Variants in CHST7 observed in about 807,000 individuals in gnomAD.
CHST7 encodes N-acetylglucosamine 6-O-sulfotransferase 4.
CHST7 carries 5 observed loss-of-function variants against 9.0 expected under a neutral mutation model. The ratio of observed to expected loss-of-function variants is 0.56; its 90% CI spans 0.29 to 1.17. CHST7 has a LOEUF of 1.17. Among genes scored for constraint, CHST7 ranks in the 50% most tolerant of loss-of-function variants. CHST7 has a pLI of 0.08. For missense variants in CHST7, 377 were observed against 485.1 expected (o/e 0.78, Z 2.09); for synonymous variants, 244 against 237.1 (o/e 1.03, Z -0.27).
At chrX:46,591,111 T>C (rs753905628) in intron 1 of CHST7, among the ~76,000 whole-genome samples, 6 of 112,340 alleles carry the variant, frequency 5.3e-5, no homozygotes, top group Non-Finnish European at 9.4e-5. Context: ...TTGGATTGTT[T>C]TCAGTTTTTG....
chrX:46,581,212 G>T (rs1942522923), intron 1 of CHST7, among the ~76,000 whole-genome samples: 1 of 101,490 alleles, frequency 9.9e-6, no homozygotes, highest in Non-Finnish European at 2.0e-5. Context: ...TCCAGCCTGG[G>T]TGATAGAGCC....
At chrX:46,584,485 C>T (rs1224000226) in intron 1 of CHST7, among the ~76,000 whole-genome samples, 4 of 97,325 alleles carry the variant, frequency 4.1e-5, no homozygotes, top group Non-Finnish European at 7.9e-5. Flanking sequence ...TGTGGTGAGC[C>T]GAGATCGCAC....
chrX:46,573,924 G>T lies in CHST7; in HGVS notation c.-8G>T. 1 of 1,155,989 alleles carries T rather than the reference G, an allele frequency of 8.7e-7. No individual in the cohort carries two copies. The highest frequency in any genetic ancestry group is 1.1e-6 in the Non-Finnish European group (1 of 872,784). ...GGCGCCCGACCCGCTCTGGAGGGTCGGTGAACGATGAAGGGCCGGCGGCGG... is the reference window on the plus strand; with the variant it reads ...GGCGCCCGACCCGCTCTGGAGGGTCTGTGAACGATGAAGGGCCGGCGGCGG... On this transcript the variant is annotated 5_prime_UTR_variant, in exon 1 of 2. Coordinates refer to ENST00000276055, the MANE Select transcript of CHST7 (RefSeq NM_019886.4).
chrX:46,581,249 A>AAAAT (rs1556028613), intron 1 of CHST7, among the ~76,000 whole-genome samples: 25 of 89,849 alleles, frequency 2.8e-4, no homozygotes, highest in Non-Finnish European at 4.6e-4. Flanking sequence ...AAAAAAAAAA[A>AAAAT]AATAATAATA....
At position 46,578,269 on chromosome X, in the gene CHST7, C is replaced by CTTTTTTTTTTTTT. The variant is rs3071957; in HGVS notation, c.*31+2858_*31+2870dup. Reference sequence around the variant, plus strand: ...GAGGGGTTTTTCCTCCTGCCATGCTCTTTTTTTTTTTTTTTTTTTTTTTTG... The same window carrying CTTTTTTTTTTTTT: ...GAGGGGTTTTTCCTCCTGCCATGCTCTTTTTTTTTTTTTTTTTTTTTTTTTTTTTTTTTTTTTG... On this transcript the variant is annotated intron_variant, in intron 1 of 1. Coordinates refer to ENST00000276055, the MANE Select transcript of CHST7 (RefSeq NM_019886.4). Among the ~76,000 whole-genome samples the CTTTTTTTTTTTTT allele has an allele frequency of 3.9e-5, 2 of 51,343 alleles. 1 individual carries two copies. The highest frequency in any genetic ancestry group is 6.2e-5 in the Non-Finnish European group (2 of 32,487). 44.6% of individuals were successfully genotyped at this position (51,343 alleles called of 115,157 possible). A position where few individuals can be genotyped will look rare whatever the true frequency, so the allele number is the denominator to read the frequency against.
chrX:46,595,169 T>C (rs1416124343), intron 1 of CHST7, among the ~76,000 whole-genome samples: 3 of 112,733 alleles, frequency 2.7e-5, no homozygotes, highest in African/African-American at 9.7e-5. Context: ...TAATGGCTAA[T>C]TGAGGATGTT....
Position 46,575,109 on chromosome X carries a change from C to G in CHST7, c.1178C>G (p.Ser393Cys). ...CAGCTGCGCCGCCTGCTGCGCTTCT[C>G]CGGGCTACGCGCGCTCGCAGCGCTC... ...RAQLRRLLRFSGLRALAALDA... is the reference protein window; with the variant it reads ...RAQLRRLLRFCGLRALAALDA... The change falls in exon 1 of 2, where the codon TCC becomes TGC. Residue 393 changes from serine to cysteine, a missense_variant. Physicochemically the swap from Ser to Cys is moderately radical, Grantham distance 112. Coordinates refer to ENST00000276055, the MANE Select transcript of CHST7 (RefSeq NM_019886.4). 9.0e-7 allele frequency: 1 copy of G among 1,113,424 alleles called. No individual in the cohort carries two copies. The highest frequency in any genetic ancestry group is 1.2e-6 in the Non-Finnish European group (1 of 855,476). The allele number at this position is 1,113,424 out of a possible 1,213,427, so 91.8% of individuals were successfully genotyped here.
intron 1 of CHST7, among the ~76,000 whole-genome samples, chrX:46,594,885 A>G (rs1472754094): frequency 9.0e-6 from 1 of 111,600 alleles, no homozygotes; most frequent in Non-Finnish European, 1.9e-5. Context: ...GACATGCATG[A>G]TAGATCATTT....
chrX:46,588,680 C>G lies in CHST7; in HGVS notation c.*32-9080C>G, dbSNP rs182773659. Among the ~76,000 whole-genome samples, 33 of 111,409 alleles carry G rather than the reference C, an allele frequency of 3.0e-4. No individual in the cohort carries two copies. The East Asian group carries it at 8.1e-3, about 27-fold the overall frequency. ...AACTGTAGCAAAGGAGATAAAATTA[C>G]ACCCAGCTCATTGAAATATGACTTT... On this transcript the variant is annotated intron_variant, in intron 1 of 1. Transcript: ENST00000276055.
At chrX:46,580,739 G>C (rs1380420313) in intron 1 of CHST7, among the ~76,000 whole-genome samples, 2 of 111,306 alleles carry the variant, frequency 1.8e-5, no homozygotes, top group Non-Finnish European at 3.8e-5. Flanking sequence ...AGGGAAGGAG[G>C]CTGGTCCTAC....
chrX:46,584,558 G>A (rs1385477141), intron 1 of CHST7, among the ~76,000 whole-genome samples: 1 of 60,997 alleles, frequency 1.6e-5, no homozygotes, highest in African/African-American at 8.6e-5. Context: ...AAAAAAAGGT[G>A]CCCTGAAGAT....
chrX:46,575,471 G>T, intron 1 of CHST7, 48 bp downstream of exon 1: 2 of 951,538 alleles, frequency 2.1e-6, no homozygotes, highest in Non-Finnish European at 2.7e-6. Flanking sequence ...TCTTCCGGGA[G>T]CCTGGAATGG....
At chrX:46,584,492 G>A (rs1281364365) in intron 1 of CHST7, among the ~76,000 whole-genome samples, 2 of 90,118 alleles carry the variant, frequency 2.2e-5, no homozygotes, top group African/African-American at 4.7e-5. Flanking sequence ...AGCCGAGATC[G>A]CACCATTGCA....
At chrX:46,593,358 G>A (rs1188280820) in intron 1 of CHST7, among the ~76,000 whole-genome samples, 2 of 111,883 alleles carry the variant, frequency 1.8e-5, no homozygotes, top group Non-Finnish European at 3.8e-5. Flanking sequence ...TCTGCTATTT[G>A]CTCTGTACAT....
At chrX:46,581,459 G>A (rs1942525183) in intron 1 of CHST7, among the ~76,000 whole-genome samples, 1 of 106,044 alleles carries the variant, frequency 9.4e-6, no homozygotes, top group Admixed American at 1.0e-4. Flanking sequence ...AGGAGGCTGA[G>A]GCACGAGAAT....
chrX:46,595,065 T>C (rs1052398295), intron 1 of CHST7, among the ~76,000 whole-genome samples: 2 of 112,776 alleles, frequency 1.8e-5, no homozygotes, highest in Non-Finnish European at 3.7e-5. Context: ...ATTTTTGTTA[T>C]TGTATTTTAC....
intron 1 of CHST7, among the ~76,000 whole-genome samples, chrX:46,578,269 CTTTT>C (rs3071957): frequency 3.9e-5 from 2 of 51,343 alleles, no homozygotes; most frequent in African/African-American, 9.7e-5. Context: ...CTGCCATGCT[CTTTT>C]TTTTTTTTTT....
chrX:46,595,661 A>G (rs977683615), intron 1 of CHST7, among the ~76,000 whole-genome samples: 2 of 111,411 alleles, frequency 1.8e-5, no homozygotes, highest in Non-Finnish European at 3.8e-5. Context: ...TTCAGGATAT[A>G]GAGGCAGCAA....
intron 1 of CHST7, among the ~76,000 whole-genome samples, chrX:46,587,559 C>T (rs1237504159): frequency 2.7e-5 from 3 of 111,977 alleles, no homozygotes; most frequent in African/African-American, 9.7e-5. Flanking sequence ...GTTTAAAGTA[C>T]GTTTCCAGGC....
Sources: gnomAD v4.1 joint callset for allele counts (sites outside exome capture counted in the v4.1 genomes callset) on GRCh38, gnomAD v4.1.1 for gene constraint, MANE v1.5 for transcripts, NCBI Gene and HGNC (gene_info 2026-07-23, HGNC 2026-07-21) for gene names.